The following SPTBN4 variants were observed in gnomAD, a reference collection of about 807,000 sequenced individuals.
SPTBN4 encodes the protein spectrin beta, non-erythrocytic 4.
SPTBN4 carries 96 observed loss-of-function variants against 277.8 expected under a neutral mutation model. The observed-to-expected ratio is 0.35, with a 90% CI of 0.29 to 0.41. SPTBN4 has a LOEUF of 0.41. SPTBN4 is among the 10% of genes least tolerant of loss of function. SPTBN4 has a pLI of 1.00. For synonymous variants in SPTBN4, 1,481 were observed against 1,580.3 expected (o/e 0.94, Z 1.49); for missense variants, 3,006 against 3,595.7 (o/e 0.84, Z 4.19).
chr19:40,516,621 C>T (rs1203172196), intron 15 of SPTBN4, among the ~76,000 whole-genome samples: 1 of 152,004 alleles, frequency 6.6e-6, no homozygotes, highest in East Asian at 1.9e-4. Context: ...GTCAGGAGTT[C>T]GAGACCAGCC....
At chr19:40,474,941 C>T (rs937640403) in intron 2 of SPTBN4, among the ~76,000 whole-genome samples, 3 of 152,026 alleles carry the variant, frequency 2.0e-5, no homozygotes, top group Admixed American at 2.0e-4. Context: ...TGCTATGTTG[C>T]CCAGGCTGGT....
intron 17 of SPTBN4, chr19:40,524,638 C>T (rs1270048572): frequency 1.5e-5 from 7 of 455,998 alleles, no homozygotes; most frequent in Non-Finnish European, 2.6e-5. Flanking sequence ...AGGTGTGTTC[C>T]AGCTTTCCAG....
rs567644576 is a variant in SPTBN4 at position 40,483,165 on chromosome 19, C to T, written c.170-4532C>T. Reference sequence around the variant, plus strand: ...GGGGTCCCGAGAGGGGAGATGACCTCGAGAAGTCACCTGGCCAGTTATTAG... The same window carrying T: ...GGGGTCCCGAGAGGGGAGATGACCTTGAGAAGTCACCTGGCCAGTTATTAG... On this transcript the variant is annotated intron_variant, in intron 2 of 35. Transcript: ENST00000598249. Among the ~76,000 whole-genome samples, 8 of 152,026 alleles carry T rather than the reference C, an allele frequency of 5.3e-5. No homozygotes were observed. In the East Asian group the frequency reaches 1.4e-3, roughly 26 times the overall value.
intron 13 of SPTBN4, among the ~76,000 whole-genome samples, chr19:40,508,669 C>T (rs556143746): frequency 1.3e-5 from 2 of 152,132 alleles, no homozygotes; most frequent in East Asian, 3.8e-4. Context: ...GCCTGGGCAA[C>T]AGAGCGAGAC....
chr19:40,480,817 C>A (rs1446324545), intron 2 of SPTBN4, among the ~76,000 whole-genome samples: 1 of 152,046 alleles, frequency 6.6e-6, no homozygotes, highest in East Asian at 1.9e-4. Context: ...AATCCCAGCA[C>A]TTTGGGAGGC....
intron 2 of SPTBN4, among the ~76,000 whole-genome samples, chr19:40,485,902 T>G (rs1271586393): frequency 6.6e-6 from 1 of 150,456 alleles, no homozygotes; most frequent in African/African-American, 2.5e-5. Context: ...GAAAAGATGC[T>G]CAACATCATT....
At chr19:40,484,666 G>T (rs1356250343) in intron 2 of SPTBN4, among the ~76,000 whole-genome samples, 2 of 151,936 alleles carry the variant, frequency 1.3e-5, no homozygotes, top group Admixed American at 6.6e-5. Context: ...GGTGGCTCAC[G>T]CCTGTAATCC....
intron 18 of SPTBN4, chr19:40,530,403 A>C (rs971523998): frequency 1.5e-5 from 10 of 688,714 alleles, no homozygotes; most frequent in African/African-American, 2.0e-5. Flanking sequence ...CCCCGCAAAG[A>C]GGCGGGCAGG....
intron 20 of SPTBN4, among the ~76,000 whole-genome samples, chr19:40,541,212 T>C (rs1480515016): frequency 6.6e-6 from 1 of 152,152 alleles, no homozygotes; most frequent in African/African-American, 2.4e-5. Flanking sequence ...CTTCCCTCCC[T>C]GTAGGGGGTT....
chr19:40,520,085 C>T lies in SPTBN4; in HGVS notation c.3588C>T (p.Val1196=), dbSNP rs757481185. 7 of 1,496,988 alleles carry T rather than the reference C, an allele frequency of 4.7e-6. No individual in the cohort carries two copies. The Admixed American group carries it at 1.7e-4, about 37-fold the overall frequency. The allele number at this position is 1,496,988 out of a possible 1,614,324, so 92.7% of individuals were successfully genotyped here. A position where few individuals can be genotyped will look rare whatever the true frequency, so the allele number is the denominator to read the frequency against. Residue 1196 remains valine, a synonymous_variant, in exon 16 of 36, where the codon GTC becomes GTT. Transcript: ENST00000598249. ...GLWEARREAL[V]QAHIYQLFLR... The stretch of plus-strand genomic sequence containing the variant: ...GGGAGGCGCGCAGGGAGGCGCTGGT[C>T]CAGGCGCACATCTACCAGCTCTTCC...
At chr19:40,572,873 C>A (rs547568735) in intron 35 of SPTBN4, among the ~76,000 whole-genome samples, 1 of 152,052 alleles carries the variant, frequency 6.6e-6, no homozygotes, top group Admixed American at 6.6e-5. Flanking sequence ...GCAGGAGAAT[C>A]GTTTGAACCT....
intron 20 of SPTBN4, among the ~76,000 whole-genome samples, chr19:40,541,962 C>G (rs1202673630): frequency 6.6e-6 from 1 of 152,130 alleles, no homozygotes; most frequent in African/African-American, 2.4e-5. Context: ...CACTCTGTCA[C>G]CCAGGCTGGA....
At chr19:40,549,120 G>A in intron 20 of SPTBN4, 69 bp from the exon 21 acceptor site, 1 of 1,321,894 alleles carries the variant, frequency 7.6e-7, no homozygotes, top group South Asian at 1.4e-5. Context: ...TCACCATAAG[G>A]GTACTGGAGA....
Position 40,502,997 on chromosome 19 carries a change from C to A in SPTBN4, c.1362+64C>A. On this transcript the variant is annotated intron_variant, in intron 11 of 35. Coordinates refer to ENST00000598249, the MANE Select transcript of SPTBN4 (RefSeq NM_020971.3). This position sits in a 1 kb window ranked among gnomAD's most constrained non-coding sequence, Gnocchi z 4.9. The stretch of plus-strand genomic sequence containing the variant: ...GAGGGCGGGGCTGATGGTCCTGGGA[C>A]CAGAGAGGGAGACTTGATCTTCTAG... The A allele has an allele frequency of 6.4e-7, 1 of 1,556,454 alleles. No homozygotes were observed.
chr19:40,503,890 G>A lies in SPTBN4; in HGVS notation c.1423G>A (p.Glu475Lys), dbSNP rs139202803. The A allele has an allele frequency of 1.5e-4, 234 of 1,610,990 alleles. No individual in the cohort carries two copies. Among genetic ancestry groups the A allele is most frequent in the Non-Finnish European group, 1.9e-4 (221 of 1,177,690 alleles). The change falls in exon 12 of 36, where the codon GAG becomes AAG. Residue 475 changes from glutamate to lysine, a missense_variant. Coordinates refer to ENST00000598249, the MANE Select transcript of SPTBN4 (RefSeq NM_020971.3). Reference sequence around the variant, plus strand: ...AGCCATGAAGAAACACGAAGCGATCGAGGCAGACATTGCGGCCTACGAGGA... The same window carrying A: ...AGCCATGAAGAAACACGAAGCGATCAAGGCAGACATTGCGGCCTACGAGGA... ...EAAMKKHEAI[E>K]ADIAAYEERV... is the part of the protein sequence containing the mutation.
rs561348952 is a variant in SPTBN4, at chr19:40,489,664, A to G, written c.322-411A>G. On this transcript the variant is annotated intron_variant, in intron 3 of 35. Transcript: ENST00000598249. Reference sequence around the variant, plus strand: ...CGGCCTCCCAAAGTGCTGGGATTACAGGATTGAGCCACTACGCCGGGGCGG... The same window carrying G: ...CGGCCTCCCAAAGTGCTGGGATTACGGGATTGAGCCACTACGCCGGGGCGG... Among the ~76,000 whole-genome samples, 26 of 152,304 alleles carry G rather than the reference A, an allele frequency of 1.7e-4. No individual in the cohort carries two copies. The South Asian group carries it at 4.8e-3, about 28-fold the overall frequency.
At chr19:40,544,385 GC>G (rs2080835867) in intron 20 of SPTBN4, among the ~76,000 whole-genome samples, 1 of 141,622 alleles carries the variant, frequency 7.1e-6, no homozygotes, top group Non-Finnish European at 1.5e-5. Context: ...CTCGTGATCC[GC>G]CCGCCTCAGC....
At position 40,501,622 on chromosome 19, in the gene SPTBN4, C is replaced by T. The variant is rs141881625; in HGVS notation, c.785-299C>T. On this transcript the variant is annotated intron_variant, in intron 7 of 35. Coordinates refer to ENST00000598249, the MANE Select transcript of SPTBN4 (RefSeq NM_020971.3). ...GGTAGAGGTTGCAGTGAGTTGAGATCGTGCCATTGCACTCCAGCCTGGGCA... is the reference window on the plus strand; with the variant it reads ...GGTAGAGGTTGCAGTGAGTTGAGATTGTGCCATTGCACTCCAGCCTGGGCA... Among the ~76,000 whole-genome samples the T allele has an allele frequency of 3.0e-3, 458 of 151,692 alleles. 2 individuals carry two copies. The highest frequency in any genetic ancestry group is 0.01 in the African/African-American group (424 of 41,332).
chr19:40,564,578 C>T (rs1237435512), intron 27 of SPTBN4, among the ~76,000 whole-genome samples: 1 of 152,108 alleles, frequency 6.6e-6, no homozygotes, highest in Non-Finnish European at 1.5e-5. Context: ...GTGGCTTATG[C>T]CCATAGCCTT....
Sources: allele counts gnomAD v4.1 joint callset (sites outside exome capture counted in the v4.1 genomes callset), GRCh38; gene constraint gnomAD v4.1.1; non-coding constraint Gnocchi (gnomAD v3.1); transcripts MANE v1.5; gene names NCBI Gene and HGNC (gene_info 2026-07-23, HGNC 2026-07-21).